MIB1: variants seen among roughly 807,000 people sequenced by gnomAD.
MIB1 encodes E3 ubiquitin-protein ligase MIB1.
In MIB1, 278 loss-of-function variants were observed where a neutral mutation model predicts 124.5. That is an observed-to-expected ratio of 2.23 (90% confidence interval 2.02 to 2.47). The LOEUF (loss-of-function observed/expected upper bound fraction) is 2.47. Among genes scored for constraint, MIB1 ranks in the 30% most tolerant of loss-of-function variants. The pLI, the probability that MIB1 is intolerant of heterozygous loss-of-function variation, is 0.00. For missense variants in MIB1, 957 were observed against 1,254.4 expected (o/e 0.76, Z 3.58); for synonymous variants, 446 against 429.4 (o/e 1.04, Z -0.48).
intron 6 of MIB1, among the ~76,000 whole-genome samples, chr18:21,781,701 C>T (rs946151587): frequency 1.3e-5 from 2 of 151,938 alleles, no homozygotes; most frequent in African/African-American, 4.8e-5. Context: ...AGGTGAGCCA[C>T]CGCCCCTGGC....
chr18:21,804,584 ATCTC>A (rs1286545163), intron 10 of MIB1, among the ~76,000 whole-genome samples: 3 of 152,236 alleles, frequency 2.0e-5, no homozygotes, highest in Non-Finnish European at 2.9e-5. Flanking sequence ...ATCTCTCTGT[ATCTC>A]TATTGTGAAG....
rs1555696792 is a variant in MIB1, at chr18:21,856,240, A to AAAAAAACC, written c.2666-883_2666-882insCAAAAAAC. ...CGACAGAGCGAGACTCCGTCTCAAA[A>AAAAAAACC]AAAAAACAAAAAACAAAAAACAAAA... On this transcript the variant is annotated intron_variant, in intron 18 of 20. Transcript: ENST00000261537. Among the ~76,000 whole-genome samples the AAAAAAACC allele has an allele frequency of 6.0e-4, 81 of 135,468 alleles. 1 individual carries two copies. Among genetic ancestry groups the AAAAAAACC allele is most frequent in the South Asian group, 2.6e-3 (11 of 4,282 alleles). The allele number at this position is 135,468 out of a possible 152,430, so 88.9% of individuals were successfully genotyped here.
intron 10 of MIB1, among the ~76,000 whole-genome samples, chr18:21,812,170 C>G (rs942998290): frequency 1.3e-5 from 2 of 152,194 alleles, no homozygotes; most frequent in East Asian, 1.9e-4. Context: ...TATCTAGTCT[C>G]CAGTCCAAGA....
chr18:21,843,162 A>G lies in MIB1; in HGVS notation c.1994A>G (p.Asn665Ser). 6.2e-7 allele frequency: 1 copy of G among 1,605,864 alleles called. No individual in the cohort carries two copies. The highest frequency in any genetic ancestry group is 8.5e-7 in the Non-Finnish European group (1 of 1,177,024). Residue 665 changes from asparagine (N) to serine (S), a missense_variant, in exon 14 of 21, where the codon AAC (asparagine) becomes AGC (serine). Physicochemically the swap from Asn to Ser is conservative, Grantham distance 46. Transcript: ENST00000261537. Reference protein sequence around the residue: ...GNANLDIQNVNQQTALHLAVE... With the variant: ...GNANLDIQNVSQQTALHLAVE... ...GCAAACCTGGATATCCAGAATGTGA[A>G]CCAACAAACTGCCCTACACCTTGCT...
rs199892770 is a variant in MIB1 at position 21,843,124 on chromosome 18, C to T, written c.1963-7C>T. The stretch of plus-strand genomic sequence containing the variant: ...TTAACCATTTAACATTTGTTCTTCT[C>T]GTTCAGGGTAATGCAAACCTGGATA... On this transcript the variant is annotated splice_region_variant and splice_polypyrimidine_tract_variant and intron_variant, in intron 13 of 20. Transcript: ENST00000261537. 19 of 1,595,880 alleles carry T rather than the reference C, an allele frequency of 1.2e-5. No homozygotes were observed. The highest frequency in any genetic ancestry group is 5.3e-5 in the Admixed American group (3 of 56,654).
chr18:21,867,854 T>C lies in MIB1; in HGVS notation c.*3188T>C, dbSNP rs2042330969. 6.6e-6 allele frequency: 1 copy of C among 152,484 alleles called. No homozygotes were observed. 9.4% of individuals were successfully genotyped at this position (152,484 alleles called of 1,614,324 possible). A position where few individuals can be genotyped will look rare whatever the true frequency, so the allele number is the denominator to read the frequency against. On this transcript the variant is annotated 3_prime_UTR_variant, in exon 21 of 21. Transcript: ENST00000261537. ...TTCTGGACCCTTTTTGGACTAAGAA[T>C]TAGTTAAATTCATGAACTAAGAGAA...
intron 18 of MIB1, among the ~76,000 whole-genome samples, chr18:21,854,167 A>C (rs2042206330): frequency 6.6e-6 from 1 of 152,240 alleles, no homozygotes; most frequent in Non-Finnish European, 1.5e-5. Flanking sequence ...AAAAGGGCAC[A>C]TAGAGAATTC....
At chr18:21,723,337 G>A (rs183554420) in intron 1 of MIB1, among the ~76,000 whole-genome samples, 4 of 152,014 alleles carry the variant, frequency 2.6e-5, no homozygotes, top group Admixed American at 2.6e-4. Context: ...GGCCTAGAAT[G>A]AGCCATGTCA....
At chr18:21,813,884 A>C (rs557396877) in intron 10 of MIB1, among the ~76,000 whole-genome samples, 1 of 152,086 alleles carries the variant, frequency 6.6e-6, no homozygotes, top group Non-Finnish European at 1.5e-5. Context: ...TACCAGGATC[A>C]GGGACAGACA....
At chr18:21,761,534 C>T (rs1483797261) in intron 1 of MIB1, among the ~76,000 whole-genome samples, 1 of 152,134 alleles carries the variant, frequency 6.6e-6, no homozygotes, top group Non-Finnish European at 1.5e-5. Flanking sequence ...ATGGCCACAC[C>T]AGTCTACATC....
At chr18:21,820,252 AACTC>A (rs900150416) in intron 12 of MIB1, among the ~76,000 whole-genome samples, 1 of 152,230 alleles carries the variant, frequency 6.6e-6, no homozygotes, top group Non-Finnish European at 1.5e-5. Flanking sequence ...GATTTCCATT[AACTC>A]ACTTTTTGGA....
At chr18:21,795,336 A>ATT (rs1568205067) in intron 7 of MIB1, among the ~76,000 whole-genome samples, 22 of 138,240 alleles carry the variant, frequency 1.6e-4, no homozygotes, top group African/African-American at 6.0e-4. Context: ...ATAAATATAT[A>ATT]ATATATATAA....
chr18:21,852,054 A>C (rs1485303293), intron 17 of MIB1, among the ~76,000 whole-genome samples: 1 of 152,226 alleles, frequency 6.6e-6, no homozygotes, highest in East Asian at 1.9e-4. Context: ...TATATTACAC[A>C]TTGAACTACT....
chr18:21,853,078 T>C (rs1343084287), intron 17 of MIB1, 62 bp from the exon 18 acceptor site: 1 of 1,083,730 alleles, frequency 9.2e-7, no homozygotes, highest in African/African-American at 1.6e-5. Context: ...ATAATTGAAC[T>C]TGTTAAGAGT....
rs1332707782 is a variant in MIB1 at position 21,870,541 on chromosome 18, T to G, written c.*5875T>G. The G allele has an allele frequency of 6.6e-6, 1 of 152,218 alleles. No individual in the cohort carries two copies. Among genetic ancestry groups the G allele is most frequent in the African/African-American group, 2.4e-5 (1 of 41,454 alleles). The allele number at this position is 152,218 out of a possible 1,614,324, so 9.4% of individuals were successfully genotyped here. A position where few individuals can be genotyped will look rare whatever the true frequency, so the allele number is the denominator to read the frequency against. Reference sequence around the variant, plus strand: ...GATTCAGCTTTTTCTATAAAAAGCTTATTCCTCTTCACAACTCAGATGTAG... The same window carrying G: ...GATTCAGCTTTTTCTATAAAAAGCTGATTCCTCTTCACAACTCAGATGTAG... On this transcript the variant is annotated 3_prime_UTR_variant, in exon 21 of 21. Transcript: ENST00000261537.
chr18:21,813,489 A>AT (rs1015758514), intron 10 of MIB1, among the ~76,000 whole-genome samples: 1 of 152,184 alleles, frequency 6.6e-6, no homozygotes, highest in African/African-American at 2.4e-5. Flanking sequence ...TAAATCTTAG[A>AT]TGTGGTTGTT....
At chr18:21,861,148 G>A (rs1243620065) in intron 20 of MIB1, among the ~76,000 whole-genome samples, 2 of 152,076 alleles carry the variant, frequency 1.3e-5, no homozygotes, top group African/African-American at 4.8e-5. Flanking sequence ...TTGAAATCCA[G>A]CATCTAGCAA....
At chr18:21,828,691 C>T (rs2041949741) in intron 12 of MIB1, 2 of 191,582 alleles carry the variant, frequency 1.0e-5, no homozygotes, top group African/African-American at 2.4e-5. Flanking sequence ...TACTATTTTC[C>T]CTTTTGCAGT....
intron 10 of MIB1, among the ~76,000 whole-genome samples, chr18:21,806,562 G>A (rs2041709328): frequency 6.6e-6 from 1 of 151,346 alleles, no homozygotes; most frequent in Non-Finnish European, 1.5e-5. Context: ...TATAAACATG[G>A]TATGATGGGA....
Sources: gnomAD v4.1 joint callset for allele counts (sites outside exome capture counted in the v4.1 genomes callset) on GRCh38, gnomAD v4.1.1 for gene constraint, MANE v1.5 for transcripts, NCBI Gene and HGNC (gene_info 2026-07-23, HGNC 2026-07-21) for gene names.